The following ESRRG variants were observed in gnomAD, a reference collection of about 807,000 sequenced individuals.
ESRRG encodes the protein estrogen related receptor gamma.
Under a neutral mutation model 44.0 loss-of-function variants are expected in ESRRG, and 13 were observed. The observed-to-expected ratio is 0.30, with a 90% CI of 0.19 to 0.47. The LOEUF is 0.47. ESRRG is among the 20% of genes least tolerant of loss of function. The probability of loss-of-function intolerance (pLI) is 1.00; values close to 1 mark genes in which losing one functional copy is unlikely to be tolerated. For missense variants in ESRRG, 395 were observed against 580.6 expected (o/e 0.68, Z 3.29); for synonymous variants, 215 against 214.6 (o/e 1.00, Z -0.02).
intron 1 of ESRRG, among the ~76,000 whole-genome samples, chr1:216,958,035 C>T (rs1026855651): frequency 8.3e-5 from 6 of 72,084 alleles, no homozygotes; most frequent in African/African-American, 1.9e-4. Flanking sequence ...ACGTATAGTA[C>T]GCACCACCAT....
intron 1 of ESRRG, among the ~76,000 whole-genome samples, chr1:216,975,492 G>T (rs1397328196): frequency 6.6e-6 from 1 of 152,194 alleles, no homozygotes; most frequent in Non-Finnish European, 1.5e-5. Context: ...CAGTTGCCCT[G>T]CCAATTTGGC....
At chr1:217,118,213 G>T (rs2092763149) in intron 1 of ESRRG, among the ~76,000 whole-genome samples, 1 of 152,174 alleles carries the variant, frequency 6.6e-6, no homozygotes, top group African/African-American at 2.4e-5. Context: ...CTAGTAAATA[G>T]CTAAGGAAAG....
chr1:216,620,633 T>G (rs2062068728), intron 3 of ESRRG, among the ~76,000 whole-genome samples: 2 of 152,184 alleles, frequency 1.3e-5, no homozygotes, highest in South Asian at 4.1e-4. Context: ...TCATTCACAT[T>G]GCATTGTGGT....
chr1:216,751,617 GC>G (rs1323558693), intron 2 of ESRRG, among the ~76,000 whole-genome samples: 2 of 151,782 alleles, frequency 1.3e-5, no homozygotes, highest in Non-Finnish European at 2.9e-5. Context: ...AGGCATCAGG[GC>G]CTGGGAGCCA....
intron 1 of ESRRG, among the ~76,000 whole-genome samples, chr1:216,699,616 G>C (rs946447971): frequency 1.3e-5 from 2 of 151,958 alleles, no homozygotes; most frequent in African/African-American, 4.8e-5. Flanking sequence ...GTGTGAATAA[G>C]TCATTGTTCC....
rs111619680 is a variant in ESRRG at position 217,078,604 on chromosome 1, T to A, written c.-106+10903A>T. On this transcript the variant is annotated intron_variant, in intron 1 of 7. Transcript: ENST00000359162. ...TCCCTGGGAAACCACACACTGTTAC[T>A]GGCTGGATTCTGACAACAGTGTAAG... 2.0e-5 allele frequency among the ~76,000 whole-genome samples: 3 copies of A among 152,204 alleles called. No homozygotes were observed. In the East Asian group the frequency reaches 5.8e-4, roughly 29 times the overall value.
At chr1:216,882,666 CTT>C (rs1165507188) in intron 2 of ESRRG, among the ~76,000 whole-genome samples, 2 of 152,056 alleles carry the variant, frequency 1.3e-5, no homozygotes, top group African/African-American at 4.8e-5. Context: ...AAATAATAAA[CTT>C]AATATCAATG....
chr1:216,950,894 C>G (rs138880181), intron 1 of ESRRG, among the ~76,000 whole-genome samples: 1 of 151,980 alleles, frequency 6.6e-6, no homozygotes, highest in Admixed American at 6.6e-5. Context: ...AGACACTGAC[C>G]GTGAAATTTA....
At chr1:216,536,445 A>T (rs900665296) in intron 5 of ESRRG, among the ~76,000 whole-genome samples, 4 of 152,070 alleles carry the variant, frequency 2.6e-5, no homozygotes, top group African/African-American at 9.7e-5. Context: ...GAAATATCTC[A>T]TTTCCAAAAC....
intron 6 of ESRRG, among the ~76,000 whole-genome samples, chr1:216,514,715 T>C (rs1572038314): frequency 1.3e-5 from 2 of 152,138 alleles, no homozygotes; most frequent in Admixed American, 6.6e-5. Flanking sequence ...TGCCTCATAA[T>C]AGCCATGCAT....
chr1:216,681,895 C>T (rs905372175), intron 1 of ESRRG: 8 of 152,180 alleles, frequency 5.3e-5, no homozygotes, highest in African/African-American at 1.9e-4. Flanking sequence ...ATTCTACCTA[C>T]ATCCAGGTAA....
At chr1:216,526,753 AAT>A (rs2047783426) in intron 5 of ESRRG, among the ~76,000 whole-genome samples, 1 of 152,186 alleles carries the variant, frequency 6.6e-6, no homozygotes, top group Admixed American at 6.5e-5. Context: ...AAACCGAGCT[AAT>A]CATGAAGCAC....
chr1:216,898,788 T>A (rs952685716), intron 2 of ESRRG, among the ~76,000 whole-genome samples: 1 of 152,152 alleles, frequency 6.6e-6, no homozygotes, highest in Non-Finnish European at 1.5e-5. Context: ...GGTTTCTAGG[T>A]CACTGCACCA....
chr1:216,873,959 AGAG>A, intron 2 of ESRRG, among the ~76,000 whole-genome samples: 1 of 53,290 alleles, frequency 1.9e-5, no homozygotes, highest in East Asian at 7.8e-4. Context: ...GAGTGGGGGA[AGAG>A]GGGAGGGGAG....
chr1:216,999,852 C>A (rs2076804911), intron 1 of ESRRG, among the ~76,000 whole-genome samples: 1 of 152,204 alleles, frequency 6.6e-6, no homozygotes. Flanking sequence ...AACCACTCAA[C>A]CCTTGCATCT....
chr1:216,950,566 C>T (rs2066787223), intron 1 of ESRRG, among the ~76,000 whole-genome samples: 1 of 152,092 alleles, frequency 6.6e-6, no homozygotes. Flanking sequence ...AGTGAACTCT[C>T]AATTAAAACT....
At chr1:216,986,930 CAAT>C in intron 1 of ESRRG, among the ~76,000 whole-genome samples, 1 of 152,160 alleles carries the variant, frequency 6.6e-6, no homozygotes, top group African/African-American at 2.4e-5. Flanking sequence ...TTTAAACCAT[CAAT>C]AATAAGAAAC....
At chr1:216,796,693 A>G (rs1000259367) in intron 2 of ESRRG, among the ~76,000 whole-genome samples, 2 of 151,734 alleles carry the variant, frequency 1.3e-5, no homozygotes, top group Non-Finnish European at 2.9e-5. Context: ...CTTATCTTCC[A>G]TCTTCCTGAG....
intron 1 of ESRRG, among the ~76,000 whole-genome samples, chr1:216,719,084 A>T (rs967588404): frequency 6.6e-6 from 1 of 152,044 alleles, no homozygotes; most frequent in East Asian, 1.9e-4. Context: ...TATTTTCTTT[A>T]GTCATTGAGC....
Sources: gnomAD v4.1 joint callset for allele counts (sites outside exome capture counted in the v4.1 genomes callset) on GRCh38, gnomAD v4.1.1 for gene constraint, MANE v1.5 for transcripts, NCBI Gene and HGNC (gene_info 2026-07-23, HGNC 2026-07-21) for gene names.